ABCD2: variants seen among roughly 807,000 people sequenced by gnomAD.
The protein encoded by ABCD2 is ATP-binding cassette sub-family D member 2.
In ABCD2, 36 loss-of-function variants were observed where a neutral mutation model predicts 70.9. The observed-to-expected ratio is 0.51, with a 90% CI of 0.39 to 0.67. ABCD2 has a LOEUF of 0.67. ABCD2 is among the 30% of genes least tolerant of loss of function. The pLI is 0.00. For missense variants in ABCD2, 729 were observed against 890.2 expected (o/e 0.82, Z 2.30); for synonymous variants, 304 against 306.9 (o/e 0.99, Z 0.10).
At position 39,618,726 on chromosome 12, in the gene ABCD2, G is replaced by C; in HGVS notation, c.890C>G (p.Ser297Trp). 6.2e-7 allele frequency: 1 copy of C among 1,614,084 alleles called. No homozygotes were observed. The highest frequency in any genetic ancestry group is 8.5e-7 in the Non-Finnish European group (1 of 1,180,024). Residue 297 changes from serine (S) to tryptophan (W), a missense_variant, in exon 1 of 10, where the codon TCG becomes TGG. Coordinates refer to ENST00000308666, the MANE Select transcript of ABCD2 (RefSeq NM_005164.4). ...TTCTTCTACATTGGCTATAATTCTC[G>C]AGTGCACATACCGCAAATAGCCTTT... ...HRKGYLRYVH[S>W]RIIANVEEIA...
At chr12:39,604,692 C>T in intron 4 of ABCD2, 70 bp downstream of exon 4, 6 of 1,267,082 alleles carry the variant, frequency 4.7e-6, no homozygotes, top group Middle Eastern at 5.7e-4. Context: ...TAAAAGCTAC[C>T]TTCTTAAACT....
the ABCD2 span, among the ~76,000 whole-genome samples, chr12:39,540,061 G>C: frequency 6.6e-6 from 1 of 152,188 alleles, no homozygotes; most frequent in Non-Finnish European, 1.5e-5. Context: ...CTCACAGACA[G>C]TTGGTCTGTC....
intron 3 of ABCD2, 25 bp from the exon 4 acceptor site, chr12:39,604,955 AT>A: frequency 6.5e-7 from 1 of 1,533,520 alleles, no homozygotes; most frequent in Non-Finnish European, 8.7e-7. Context: ...GAGATATAAA[AT>A]AGAGTTACTA....
chr12:39,531,870 C>T, the ABCD2 span, among the ~76,000 whole-genome samples: 18 of 152,344 alleles, frequency 1.2e-4, no homozygotes, highest in South Asian at 8.3e-4. Flanking sequence ...CGCCCAGGGG[C>T]GCCTGGATTG....
chr12:39,539,122 C>T, the ABCD2 span, among the ~76,000 whole-genome samples: 1 of 152,188 alleles, frequency 6.6e-6, no homozygotes, highest in South Asian at 2.1e-4. Context: ...AATCAGTTAC[C>T]TCTTAATAAG....
chr12:39,534,570 GGGA>G, the ABCD2 span, among the ~76,000 whole-genome samples: 1 of 151,768 alleles, frequency 6.6e-6, no homozygotes, highest in Non-Finnish European at 1.5e-5. Flanking sequence ...CTAGCACTTT[GGGA>G]GGCCAAGGCA....
chr12:39,591,040 A>T (rs1293413046), intron 6 of ABCD2, among the ~76,000 whole-genome samples: 1 of 152,200 alleles, frequency 6.6e-6, no homozygotes, highest in Non-Finnish European at 1.5e-5. Flanking sequence ...ATTGATAAAA[A>T]TTTTGCAGCA....
chr12:39,562,729 C>A (rs1941278985), intron 9 of ABCD2, among the ~76,000 whole-genome samples: 1 of 152,032 alleles, frequency 6.6e-6, no homozygotes, highest in African/African-American at 2.4e-5. Context: ...CCAAATTCTA[C>A]CAAATATTTA....
rs1350633974 is a variant in ABCD2, at chr12:39,556,625, CA to C, written c.2004-2495del. On this transcript the variant is annotated intron_variant, in intron 9 of 9. Transcript: ENST00000308666. ...CCTTTATAAATTACCCGGTCTAGGG[CA>C]GTTCTTTATAGCGATATGAAAACAG... Among the ~76,000 whole-genome samples, 5 of 152,130 alleles carry C rather than the reference CA, an allele frequency of 3.3e-5. 1 individual carries two copies. Among genetic ancestry groups the C allele is most frequent in the Non-Finnish European group, 5.9e-5 (4 of 68,008 alleles).
chr12:39,566,918 A>T (rs1458968094), intron 9 of ABCD2, among the ~76,000 whole-genome samples: 1 of 152,178 alleles, frequency 6.6e-6, no homozygotes, highest in Non-Finnish European at 1.5e-5. Context: ...CAGGTTGTTC[A>T]GTTTCCATGT....
chr12:39,557,891 T>C (rs1228679385), intron 9 of ABCD2, among the ~76,000 whole-genome samples: 1 of 152,312 alleles, frequency 6.6e-6, no homozygotes, highest in East Asian at 1.9e-4. Context: ...TCAGAGCCCT[T>C]ATGGAGAACC....
At chr12:39,596,398 TA>T (rs1754324682) in intron 6 of ABCD2, among the ~76,000 whole-genome samples, 2 of 152,226 alleles carry the variant, frequency 1.3e-5, no homozygotes, top group Admixed American at 1.3e-4. Flanking sequence ...ATATGCTAAT[TA>T]TTGTCTATCC....
intron 9 of ABCD2, among the ~76,000 whole-genome samples, chr12:39,566,616 G>C (rs995156675): frequency 6.6e-6 from 1 of 151,930 alleles, no homozygotes; most frequent in East Asian, 1.9e-4. Flanking sequence ...AAGGTTTTTT[G>C]TGTCTCTATT....
chr12:39,601,145 C>G (rs953415469), intron 5 of ABCD2, among the ~76,000 whole-genome samples: 2 of 151,838 alleles, frequency 1.3e-5, no homozygotes, highest in Non-Finnish European at 2.9e-5. Context: ...AGCTACAAAG[C>G]ACAGTTATCC....
intron 1 of ABCD2, among the ~76,000 whole-genome samples, chr12:39,617,942 G>T (rs562471442): frequency 6.5e-4 from 99 of 151,626 alleles, no homozygotes; most frequent in African/African-American, 2.3e-3. Flanking sequence ...TTGTTTTAGG[G>T]ATCTGCTTAA....
chr12:39,554,748 T>C (rs756761740), intron 9 of ABCD2, among the ~76,000 whole-genome samples: 5 of 152,228 alleles, frequency 3.3e-5, no homozygotes, highest in Non-Finnish European at 7.3e-5. Flanking sequence ...GAGATTATTT[T>C]ACTGATGAGA....
In ABCD2 at chr12:39,573,770, G is replaced by A; in HGVS notation, c.1949C>T (p.Ala650Val). The change falls in exon 9 of 10, where the codon GCT becomes GTT. Residue 650 changes from alanine to valine, a missense_variant. Ala to Val is a moderately conservative substitution (Grantham distance 64). Transcript: ENST00000308666. ...TAAGGAAATTCCAGCCCCTTTTGCA[G>A]CCTGAAATATCTTTCCTTCGACATC... is the stretch of plus-strand genomic sequence containing the variant. ...SIDVEGKIFQ[A>V]AKGAGISLLS... 6.2e-7 allele frequency: 1 copy of A among 1,613,388 alleles called. No homozygotes were observed.
intron 7 of ABCD2, among the ~76,000 whole-genome samples, chr12:39,581,919 TC>T (rs1941601728): frequency 1.3e-5 from 2 of 152,196 alleles, no homozygotes; most frequent in African/African-American, 2.4e-5. Flanking sequence ...TGTATACTCT[TC>T]TTTAGTTCGT....
rs188609276 is a variant in ABCD2 at position 39,605,827 on chromosome 12, G to A, written c.1237-897C>T. ...AAATAAATGTTTCTTAATAAATTGC[G>A]GAAAAATACAACAATGCTGACATTT... On this transcript the variant is annotated intron_variant, in intron 3 of 9. Coordinates refer to ENST00000308666, the MANE Select transcript of ABCD2 (RefSeq NM_005164.4). Among the ~76,000 whole-genome samples the A allele has an allele frequency of 4.6e-5, 7 of 151,776 alleles. No homozygotes were observed. The East Asian group carries it at 1.2e-3, about 25-fold the overall frequency.
Sources: allele counts gnomAD v4.1 joint callset (sites outside exome capture counted in the v4.1 genomes callset), GRCh38; gene constraint gnomAD v4.1.1; transcripts MANE v1.5; gene names NCBI Gene and HGNC (gene_info 2026-07-23, HGNC 2026-07-21).